Variants in GTF2IRD2 observed in about 807,000 individuals in gnomAD.
GTF2IRD2 encodes the protein GTF2I repeat domain containing 2, also known as general transcription factor II-I repeat domain-containing protein 2A.
A neutral mutation model predicts 49.2 loss-of-function variants in GTF2IRD2; 8 were observed. The ratio of observed to expected loss-of-function variants is 0.16; its 90% CI spans 0.10 to 0.29. The LOEUF is 0.29. Among genes scored for constraint, GTF2IRD2 ranks in the 10% least tolerant of loss-of-function variants. The pLI, the probability that GTF2IRD2 is intolerant of heterozygous loss-of-function variation, is 1.00. For missense variants in GTF2IRD2, 130 were observed against 725.7 expected (o/e 0.18, Z 9.43); for synonymous variants, 47 against 289.7 (o/e 0.16, Z 8.51).
At chr7:74,825,766 A>G (rs1468450124) in intron 3 of GTF2IRD2, among the ~76,000 whole-genome samples, 1 of 151,930 alleles carries the variant, frequency 6.6e-6, no homozygotes, top group African/African-American at 2.4e-5. Context: ...TTTTGTATCA[A>G]TGTAAGGGGC....
intron 15 of GTF2IRD2, among the ~76,000 whole-genome samples, chr7:74,798,778 G>A (rs782019685): frequency 0.04 from 5,128 of 128,538 alleles, 196 homozygotes; most frequent in Non-Finnish European, 0.052. Context: ...CAAAGTGCTG[G>A]GATTACAAGC....
chr7:74,797,527 G>A lies in GTF2IRD2; in HGVS notation c.1985C>T (p.Ala662Val). Residue 662 changes from alanine (A) to valine (V), a missense_variant, in exon 16 of 16, where the codon GCT becomes GTT. Coordinates refer to ENST00000451013, the MANE Select transcript of GTF2IRD2 (RefSeq NM_173537.5). ...GACGTGGTCCATCTTCAACTTCTGA[G>A]CACAGAGTGATTCCGGATGAATTAT... ...CCIIHPESLC[A>V]QKLKMDHVMD... is the part of the protein sequence containing the mutation. The A allele has an allele frequency of 6.3e-7, 1 of 1,578,710 alleles. No individual in the cohort carries two copies. Among genetic ancestry groups the A allele is most frequent in the Non-Finnish European group, 8.7e-7 (1 of 1,152,280 alleles).
intron 3 of GTF2IRD2, among the ~76,000 whole-genome samples, chr7:74,831,137 A>C (rs1270555856): frequency 2.7e-5 from 4 of 150,864 alleles, no homozygotes; most frequent in Non-Finnish European, 5.9e-5. Context: ...GATAGTGGAG[A>C]CCTTAATTTG....
intron 8 of GTF2IRD2, chr7:74,819,281 CGCCATCTCAGCT>C: frequency 3.4e-6 from 1 of 297,946 alleles, no homozygotes; most frequent in Non-Finnish European, 6.5e-6. Flanking sequence ...AGTGCAGTGG[CGCCATCTCAGCT>C]CACTGCAGCC....
rs369747778 is a variant in GTF2IRD2 at position 74,818,987 on chromosome 7, C to T, written c.670+567G>A. ...TAGCCCAAGGTGGAGTGCAGTGGTG[C>T]GATCTTGGCTCACTGCAACCTCCAC... On this transcript the variant is annotated intron_variant, in intron 8 of 15. Transcript: ENST00000451013. 1.3e-3 allele frequency: 212 copies of T among 158,770 alleles called. 5 individuals carry two copies. Among genetic ancestry groups the T allele is most frequent in the Middle Eastern group, 3.3e-3 (1 of 304 alleles). 9.8% of individuals were successfully genotyped at this position (158,770 alleles called of 1,614,324 possible).
At chr7:74,831,300 A>G (rs1799823989) in intron 3 of GTF2IRD2, among the ~76,000 whole-genome samples, 1 of 150,608 alleles carries the variant, frequency 6.6e-6, no homozygotes, top group South Asian at 2.1e-4. Context: ...TAAGCTATCT[A>G]CATACATATA....
At chr7:74,829,891 A>AAAACAAAAC (rs1176951187) in intron 3 of GTF2IRD2, among the ~76,000 whole-genome samples, 1 of 134,190 alleles carries the variant, frequency 7.5e-6, no homozygotes, top group African/African-American at 2.9e-5. Context: ...CTGTCTCAAA[A>AAAACAAAAC]AAAAAAAAAA....
rs1404166423 is a variant in GTF2IRD2 at position 74,809,756 on chromosome 7, C to T, written c.806-583G>A. On this transcript the variant is annotated intron_variant, in intron 10 of 15. Coordinates refer to ENST00000451013, the MANE Select transcript of GTF2IRD2 (RefSeq NM_173537.5). The stretch of plus-strand genomic sequence containing the variant: ...GCCTGTAAATGGCAAAGATGTCCCA[C>T]GCCTCTAGGTTTGGAAAGGAAATCT... Among the ~76,000 whole-genome samples, 220 of 129,404 alleles carry T rather than the reference C, an allele frequency of 1.7e-3. 1 individual carries two copies. The highest frequency in any genetic ancestry group is 3.9e-3 in the African/African-American group (147 of 37,340). 84.9% of individuals were successfully genotyped at this position (129,404 alleles called of 152,430 possible).
rs1798992768 is a variant in GTF2IRD2, at chr7:74,822,445, C to G, written c.553G>C (p.Gly185Arg). The change falls in exon 6 of 16, where the codon GGA becomes CGA. Residue 185 changes from glycine to arginine, a missense_variant. By Grantham distance (125) the Gly-to-Arg change is moderately radical (BLOSUM62 -2). Transcript: ENST00000451013. ...ISFIINRPFL[G>R]PESQLGGPGM... ...CACTTACCCAGCTGACTCTCTGGTC[C>G]TAGGAAGGGTCTGCAAGAAAAGCAA... 3 of 862,532 alleles carry G rather than the reference C, an allele frequency of 3.5e-6. No individual in the cohort carries two copies. The allele number at this position is 862,532 out of a possible 1,614,324, so 53.4% of individuals were successfully genotyped here.
chr7:74,813,756 C>T (rs1798320779), intron 8 of GTF2IRD2, among the ~76,000 whole-genome samples: 1 of 136,836 alleles, frequency 7.3e-6, no homozygotes, highest in East Asian at 2.5e-4. Context: ...GGGGTTTCAC[C>T]ATGTAGGCCG....
At chr7:74,842,642 T>G (rs1800946896) in intron 1 of GTF2IRD2, among the ~76,000 whole-genome samples, 1 of 145,508 alleles carries the variant, frequency 6.9e-6, no homozygotes, top group South Asian at 2.3e-4. Context: ...CACTGTAGCC[T>G]TGACCTCCTG....
At position 74,830,043 on chromosome 7, in the gene GTF2IRD2, C is replaced by A. The variant is rs587594630; in HGVS notation, c.238+2762G>T. On this transcript the variant is annotated intron_variant, in intron 3 of 15. Transcript: ENST00000451013. ...GATACTGGCATAAAGACAAATAGAT[C>A]TACGGAATAGGGTAGGGAGTCCAGA... Among the ~76,000 whole-genome samples the A allele has an allele frequency of 2.7e-5, 4 of 150,504 alleles. No individual in the cohort carries two copies. In the Admixed American group the frequency reaches 2.7e-4, roughly 10 times the overall value.
At chr7:74,829,730 A>AT (rs1489314502) in intron 3 of GTF2IRD2, among the ~76,000 whole-genome samples, 2 of 149,964 alleles carry the variant, frequency 1.3e-5, no homozygotes, top group Non-Finnish European at 3.0e-5. Flanking sequence ...CAAAAAAAAA[A>AT]AAAAAAAATT....
In GTF2IRD2 at chr7:74,842,896, A is replaced by C. The variant is rs587723450; in HGVS notation, c.-5-6513T>G. On this transcript the variant is annotated intron_variant, in intron 1 of 15. Transcript: ENST00000451013. ...ATGGGTGAACTGTATAAGTATATGA[A>C]TTGTATCTCAATAAAACAGTTTTTA... Among the ~76,000 whole-genome samples the C allele has an allele frequency of 1.3e-4, 18 of 134,804 alleles. 2 individuals are homozygous for C. The highest frequency in any genetic ancestry group is 4.5e-4 in the Admixed American group (6 of 13,300). 88.4% of individuals were successfully genotyped at this position (134,804 alleles called of 152,430 possible). A position where few individuals can be genotyped will look rare whatever the true frequency, so the allele number is the denominator to read the frequency against.
intron 11 of GTF2IRD2, among the ~76,000 whole-genome samples, chr7:74,808,662 C>A (rs1797930484): frequency 1.2e-5 from 1 of 81,206 alleles, no homozygotes; most frequent in Non-Finnish European, 2.9e-5. Context: ...CACCTCAAAG[C>A]ATTGGGCCCT....
chr7:74,831,564 C>A (rs1423588029), intron 3 of GTF2IRD2, among the ~76,000 whole-genome samples: 8 of 143,742 alleles, frequency 5.6e-5, no homozygotes, highest in African/African-American at 2.1e-4. Flanking sequence ...CTCTGACGAA[C>A]CTTTCTGATT....
At chr7:74,845,612 C>G (rs369122619) in intron 1 of GTF2IRD2, among the ~76,000 whole-genome samples, 4,329 of 148,698 alleles carry the variant, frequency 0.029, 2 homozygotes, top group Middle Eastern at 0.056. Context: ...AATTATTGTG[C>G]TTTCTTTGCA....
chr7:74,825,719 C>T (rs1799314994), intron 3 of GTF2IRD2, among the ~76,000 whole-genome samples: 1 of 151,360 alleles, frequency 6.6e-6, no homozygotes, highest in Non-Finnish European at 1.5e-5. Context: ...AGAGAAACCA[C>T]ATAGTAATTT....
intron 3 of GTF2IRD2, among the ~76,000 whole-genome samples, chr7:74,825,664 T>G (rs1554419428): frequency 6.7e-6 from 1 of 149,696 alleles, no homozygotes; most frequent in Non-Finnish European, 1.5e-5. Context: ...CAATTGCTCC[T>G]CCAAAAGTTT....
Sources: gnomAD v4.1 joint callset for allele counts (sites outside exome capture counted in the v4.1 genomes callset) on GRCh38, gnomAD v4.1.1 for gene constraint, MANE v1.5 for transcripts, NCBI Gene and HGNC (gene_info 2026-07-23, HGNC 2026-07-21) for gene names.